The following USH2A variants were observed in gnomAD, a reference collection of about 807,000 sequenced individuals.
The protein encoded by USH2A is Usher syndrome 2A (autosomal recessive, mild).
A neutral mutation model predicts 538.9 loss-of-function variants in USH2A; 443 were observed. That is an observed-to-expected ratio of 0.82 (90% CI 0.76 to 0.89). USH2A has a LOEUF of 0.89. Ranked by LOEUF, USH2A falls within the 40% of genes least tolerant of loss-of-function variation. The pLI is 0.00. For synonymous variants in USH2A, 2,413 were observed against 2,273.5 expected (o/e 1.06, Z -1.75); for missense variants, 6,633 against 6,324.8 (o/e 1.05, Z -1.65).
chr1:215,737,193 A>C (rs1300672982), intron 60 of USH2A, among the ~76,000 whole-genome samples: 1 of 151,958 alleles, frequency 6.6e-6, no homozygotes, highest in Non-Finnish European at 1.5e-5. Context: ...AAAATTGCAG[A>C]ACAATATGGG....
Position 215,913,448 on chromosome 1 carries a change from T to C in USH2A, c.7301-12543A>G, listed in dbSNP as rs552228327. ...TTAAATGACTAAGACTTTGCTGACC[T>C]GTTATGGGCCGGAAGCTCTATGGTG... is the stretch of plus-strand genomic sequence containing the variant. On this transcript the variant is annotated intron_variant, in intron 38 of 71. Coordinates refer to ENST00000307340, the MANE Select transcript of USH2A (RefSeq NM_206933.4). Among the ~76,000 whole-genome samples, 13 of 152,174 alleles carry C rather than the reference T, an allele frequency of 8.5e-5. 2 individuals are homozygous for C. The South Asian group carries it at 2.7e-3, about 32-fold the overall frequency.
chr1:215,964,635 G>GC (rs1667290640), intron 37 of USH2A, among the ~76,000 whole-genome samples: 2 of 152,116 alleles, frequency 1.3e-5, no homozygotes, highest in South Asian at 4.1e-4. Flanking sequence ...AAATAGTAAG[G>GC]CCACTCCTGG....
intron 54 of USH2A, 151 bp from the exon 55 acceptor site, chr1:215,780,192 T>A: frequency 1.2e-6 from 1 of 858,858 alleles, no homozygotes; most frequent in Non-Finnish European, 1.8e-6. Flanking sequence ...TTTCATTTTT[T>A]TCCCTCCCAA....
rs187399189 is a variant in USH2A, at chr1:216,385,080, A to T, written c.652-19995T>A. Among the ~76,000 whole-genome samples, 221 of 152,354 alleles carry T rather than the reference A, an allele frequency of 1.5e-3. 4 individuals carry two copies. The highest frequency in any genetic ancestry group is 0.014 in the Admixed American group (220 of 15,298). ...AAGGTGTCAGCAGCTGCAAAAATTG[A>T]TGCAAGGTTTGCAAAAATTGATGCA... On this transcript the variant is annotated intron_variant, in intron 3 of 71. Transcript: ENST00000307340.
intron 3 of USH2A, among the ~76,000 whole-genome samples, chr1:216,378,775 C>G (rs2038881677): frequency 6.6e-6 from 1 of 152,072 alleles, no homozygotes. Context: ...GCATTCGTCT[C>G]AACATCTACT....
intron 13 of USH2A, 132 bp downstream of exon 13, chr1:216,246,453 A>G (rs1252826983): frequency 1.8e-6 from 2 of 1,101,338 alleles, no homozygotes; most frequent in African/African-American, 1.6e-5. Context: ...TGTGTTGGAT[A>G]ATGATATAAA....
At chr1:216,279,097 A>C (rs1029390745) in intron 11 of USH2A, among the ~76,000 whole-genome samples, 2 of 151,984 alleles carry the variant, frequency 1.3e-5, no homozygotes, top group Admixed American at 6.6e-5. Context: ...AATATCTCTT[A>C]ATCATTTATT....
intron 11 of USH2A, among the ~76,000 whole-genome samples, chr1:216,271,256 C>A (rs1457050021): frequency 6.6e-6 from 1 of 152,064 alleles, no homozygotes; most frequent in African/African-American, 2.4e-5. Flanking sequence ...CCCAGACTTT[C>A]TATAGGAAGG....
rs768198441 is a variant in USH2A, at chr1:216,418,564, T to C, written c.601A>G (p.Met201Val). ...TTCACAAGAATTCTCCCCAGTGTCA[T>C]TACTTTTATTGGAGGTTGCAAACCA... ...VNGLQPPIKVMTLGRILVKKW... is the reference protein window; with the variant it reads ...VNGLQPPIKVVTLGRILVKKW... The change falls in exon 3 of 72, where the codon ATG (methionine) becomes GTG (valine). Residue 201 changes from methionine (M) to valine (V), a missense_variant. Physicochemically the swap from Met to Val is conservative, Grantham distance 21. Coordinates refer to ENST00000307340, the MANE Select transcript of USH2A (RefSeq NM_206933.4). The C allele has an allele frequency of 5.0e-6, 8 of 1,613,400 alleles. No individual in the cohort carries two copies. The highest frequency in any genetic ancestry group is 6.8e-6 in the Non-Finnish European group (8 of 1,179,592).
chr1:215,799,494 T>G lies in USH2A; in HGVS notation c.9740-369A>C, dbSNP rs568177829. Among the ~76,000 whole-genome samples the G allele has an allele frequency of 2.0e-5, 3 of 152,366 alleles. No homozygotes were observed. The East Asian group carries it at 5.8e-4, about 29-fold the overall frequency. ...AAACCAACTATTGATAAATTTATATTGCTTATGACTATAATTTCCTTGACC... is the reference window on the plus strand; with the variant it reads ...AAACCAACTATTGATAAATTTATATGGCTTATGACTATAATTTCCTTGACC... On this transcript the variant is annotated intron_variant, in intron 49 of 71. Coordinates refer to ENST00000307340, the MANE Select transcript of USH2A (RefSeq NM_206933.4).
At position 216,190,276 on chromosome 1, in the gene USH2A, T is replaced by C. The variant is rs200691730; in HGVS notation, c.4343A>G (p.Asn1448Ser). 99 of 1,612,522 alleles carry C rather than the reference T, an allele frequency of 6.1e-5. No individual in the cohort carries two copies. The highest frequency in any genetic ancestry group is 7.0e-5 in the Non-Finnish European group (83 of 1,179,130). The change falls in exon 20 of 72, where the codon AAT (asparagine) becomes AGT (serine). Residue 1448 changes from asparagine to serine, a missense_variant. By Grantham distance (46) the Asn-to-Ser change is conservative. Coordinates refer to ENST00000307340, the MANE Select transcript of USH2A (RefSeq NM_206933.4). ...AGCACTGGTCACACAACCAACTGAATTGCAGAGAGTAATAGTAAACTCATA... is the reference window on the plus strand; with the variant it reads ...AGCACTGGTCACACAACCAACTGAACTGCAGAGAGTAATAGTAAACTCATA... The part of the protein sequence containing the change: ...RIYEFTITLC[N>S]SVGCVTSASG...
In USH2A at chr1:216,422,042, C is replaced by A; in HGVS notation, c.295G>T (p.Ala99Ser). 1 of 1,613,790 alleles carries A rather than the reference C, an allele frequency of 6.2e-7. No individual in the cohort carries two copies. Among genetic ancestry groups the A allele is most frequent in the Non-Finnish European group, 8.5e-7 (1 of 1,179,908 alleles). The part of the protein sequence containing the change: ...PYRSSHPTYT[A>S]LFSAGLSSCI... ...CTACTGAGGCCTGCTGAGAAAAGGG[C>A]AGTGTAGGTAGGGTGTGAAGATCTG... The change falls in exon 2 of 72, where the codon GCC (alanine) becomes TCC (serine). Residue 99 changes from alanine (A) to serine (S), a missense_variant. Ala to Ser is a moderately conservative substitution (Grantham distance 99, BLOSUM62 1). Transcript: ENST00000307340.
At chr1:215,916,270 C>T (rs1035854817) in intron 38 of USH2A, among the ~76,000 whole-genome samples, 1 of 151,880 alleles carries the variant, frequency 6.6e-6, no homozygotes, top group African/African-American at 2.4e-5. Flanking sequence ...TGATATTTCT[C>T]AAGGTTGTCA....
At chr1:216,294,560 G>T (rs2037067920) in intron 9 of USH2A, among the ~76,000 whole-genome samples, 1 of 151,392 alleles carries the variant, frequency 6.6e-6, no homozygotes, top group Non-Finnish European at 1.5e-5. Flanking sequence ...TGGGGATCGG[G>T]AGTGGATATA....
chr1:216,135,179 TACACAC>T (rs71161405), intron 21 of USH2A, among the ~76,000 whole-genome samples: 1 of 135,430 alleles, frequency 7.4e-6, no homozygotes, highest in Non-Finnish European at 1.6e-5. Context: ...CACACACACA[TACACAC>T]ACACACACAC....
At chr1:215,721,225 C>T (rs1053314719) in intron 61 of USH2A, among the ~76,000 whole-genome samples, 13 of 152,136 alleles carry the variant, frequency 8.5e-5, no homozygotes, top group African/African-American at 3.1e-4. Context: ...CAGGCACCAG[C>T]CACCATGCTT....
intron 35 of USH2A, among the ~76,000 whole-genome samples, chr1:215,980,432 G>A (rs568084783): frequency 1.7e-4 from 26 of 152,036 alleles, no homozygotes; most frequent in South Asian, 8.3e-4. Flanking sequence ...TAAAAATCAC[G>A]TAATAAAACA....
Position 215,965,418 on chromosome 1 carries a change from T to G in USH2A, c.7019A>C (p.Gln2340Pro), listed in dbSNP as rs751937450. 5 of 1,613,848 alleles carry G rather than the reference T, an allele frequency of 3.1e-6. No homozygotes were observed. Among genetic ancestry groups the G allele is most frequent in the Non-Finnish European group, 4.2e-6 (5 of 1,179,810 alleles). ...EGTVNVFVKTQGSRKAHVRWE... is the reference protein window; with the variant it reads ...EGTVNVFVKTPGSRKAHVRWE... ...CCTCACGTGGGCTTTCCGGGATCCC[T>G]GTGTTTTGACAAACACATTTACTGT... Residue 2340 changes from glutamine (Q) to proline (P), a missense_variant, in exon 37 of 72, where the codon CAG (glutamine) becomes CCG (proline). By Grantham distance (76) the Gln-to-Pro change is moderately conservative (BLOSUM62 -1). Transcript: ENST00000307340.
At chr1:216,097,372 A>G (rs2102573055) in intron 21 of USH2A, among the ~76,000 whole-genome samples, 159 bp from the exon 22 acceptor site, 1 of 152,320 alleles carries the variant, frequency 6.6e-6, no homozygotes, top group East Asian at 1.9e-4. Context: ...TTGGTTTTAA[A>G]TATATCCCAT....
Sources: gnomAD v4.1 joint callset for allele counts (sites outside exome capture counted in the v4.1 genomes callset) on GRCh38, gnomAD v4.1.1 for gene constraint, MANE v1.5 for transcripts, NCBI Gene and HGNC (gene_info 2026-07-23, HGNC 2026-07-21) for gene names.